NARS2: variants seen among roughly 807,000 people sequenced by gnomAD.
The protein encoded by NARS2 is asparaginyl-tRNA synthetase 2, mitochondrial, also known as asparaginyl-tRNA synthetase.
Under a neutral mutation model 62.9 loss-of-function variants are expected in NARS2, and 60 were observed. The ratio of observed to expected loss-of-function variants is 0.95; its 90% confidence interval spans 0.77 to 1.18. NARS2 has a LOEUF of 1.18. Ranked by LOEUF, NARS2 falls within the 50% of genes most tolerant of loss-of-function variation. NARS2 has a pLI of 0.00. For missense variants in NARS2, 619 were observed against 576.4 expected (o/e 1.07, Z -0.76); for synonymous variants, 196 against 200.0 (o/e 0.98, Z 0.17).
chr11:78,559,301 C>CAAAAAA lies in NARS2; in HGVS notation c.594+232_594+237dup, dbSNP rs10627726. ...CTGGCCACAGAGTGAGACTCCATCT[C>CAAAAAA]AAAAAAAAAAAAAAAAAAAAAAAAA... On this transcript the variant is annotated intron_variant, in intron 5 of 13. Transcript: ENST00000281038. Among the ~76,000 whole-genome samples the CAAAAAA allele has an allele frequency of 3.6e-4, 21 of 58,422 alleles. 2 individuals are homozygous for CAAAAAA. The highest frequency in any genetic ancestry group is 4.8e-4 in the African/African-American group (6 of 12,396). 38.3% of individuals were successfully genotyped at this position (58,422 alleles called of 152,430 possible). A position where few individuals can be genotyped will look rare whatever the true frequency, so the allele number is the denominator to read the frequency against.
intron 7 of NARS2, among the ~76,000 whole-genome samples, chr11:78,484,674 C>T (rs1451621177): frequency 6.6e-6 from 1 of 152,116 alleles, no homozygotes; most frequent in Non-Finnish European, 1.5e-5. Flanking sequence ...CAAATAAAAA[C>T]CACAATGAGA....
At chr11:78,555,730 T>C (rs1021265201) in intron 5 of NARS2, among the ~76,000 whole-genome samples, 8 of 152,122 alleles carry the variant, frequency 5.3e-5, no homozygotes, top group Non-Finnish European at 7.4e-5. Flanking sequence ...AGCTTTGGGG[T>C]TGATCTGTTC....
intron 3 of NARS2, among the ~76,000 whole-genome samples, 159 bp from the exon 4 acceptor site, chr11:78,566,431 C>T (rs189425748): frequency 6.6e-5 from 10 of 152,236 alleles, no homozygotes; most frequent in Admixed American, 5.2e-4. Context: ...TTATTTCCAC[C>T]AGGTAAGTGG....
Position 78,502,991 on chromosome 11 carries a change from C to CAAAAAAAAAAA in NARS2, c.690-9807_690-9797dup, listed in dbSNP as rs550751384. Among the ~76,000 whole-genome samples the CAAAAAAAAAAA allele has an allele frequency of 4.4e-3, 362 of 82,876 alleles. 31 individuals carry two copies. Among genetic ancestry groups the CAAAAAAAAAAA allele is most frequent in the African/African-American group, 0.021 (338 of 15,740 alleles). The allele number at this position is 82,876 out of a possible 152,430, so 54.4% of individuals were successfully genotyped here. ...CCTGGGTAACAGAGTGAGACTGTCTCAAAAAAAAAAAAAAAAAAAGGTTGA... is the reference window on the plus strand; with the variant it reads ...CCTGGGTAACAGAGTGAGACTGTCTCAAAAAAAAAAAAAAAAAAAAAAAAAAAAAAGGTTGA... On this transcript the variant is annotated intron_variant, in intron 6 of 13. Transcript: ENST00000281038.
chr11:78,518,147 A>T (rs1860981613), intron 6 of NARS2, among the ~76,000 whole-genome samples: 1 of 152,264 alleles, frequency 6.6e-6, no homozygotes, highest in Admixed American at 6.5e-5. Flanking sequence ...TACAAATTTT[A>T]AAAATACAGT....
intron 6 of NARS2, among the ~76,000 whole-genome samples, chr11:78,510,890 G>A (rs1860697463): frequency 6.6e-6 from 1 of 152,160 alleles, no homozygotes; most frequent in Admixed American, 6.6e-5. Flanking sequence ...CTGAGTGAAA[G>A]AAGACAGCTA....
intron 13 of NARS2, among the ~76,000 whole-genome samples, chr11:78,439,554 ACT>A (rs1857512475): frequency 6.6e-6 from 1 of 152,098 alleles, no homozygotes; most frequent in South Asian, 2.1e-4. Context: ...CCGCACAATA[ACT>A]CTGTGAAGGA....
chr11:78,466,407 A>G (rs1858625257), intron 10 of NARS2, among the ~76,000 whole-genome samples: 1 of 152,142 alleles, frequency 6.6e-6, no homozygotes, highest in African/African-American at 2.4e-5. Context: ...ATTGTTCCTA[A>G]GTCTCAGGAA....
chr11:78,510,565 AAG>A (rs762892743), intron 6 of NARS2, among the ~76,000 whole-genome samples: 1 of 152,254 alleles, frequency 6.6e-6, no homozygotes, highest in East Asian at 1.9e-4. Flanking sequence ...GATAACTAAA[AAG>A]AGAGAGAGAG....
chr11:78,564,530 T>G (rs2088658437), intron 4 of NARS2, among the ~76,000 whole-genome samples: 1 of 152,228 alleles, frequency 6.6e-6, no homozygotes, highest in Non-Finnish European at 1.5e-5. Context: ...TAGCTTGTCT[T>G]ACTTTTTAAT....
At chr11:78,500,540 C>T (rs573616894) in intron 6 of NARS2, among the ~76,000 whole-genome samples, 4 of 152,020 alleles carry the variant, frequency 2.6e-5, no homozygotes, top group Non-Finnish European at 5.9e-5. Context: ...GTGGCACAAA[C>T]ACAGCTCACT....
intron 6 of NARS2, 68 bp downstream of exon 6, chr11:78,528,774 A>T: frequency 1.0e-6 from 1 of 993,324 alleles, no homozygotes; most frequent in South Asian, 1.4e-5. Flanking sequence ...AGGTTTGAGC[A>T]TGGGAAGGGA....
At chr11:78,469,770 G>GAA (rs1298205003) in intron 9 of NARS2, among the ~76,000 whole-genome samples, 1 of 147,908 alleles carries the variant, frequency 6.8e-6, no homozygotes, top group African/African-American at 2.4e-5. Context: ...GTGTCAGAGA[G>GAA]AGAGAGAGCG....
chr11:78,453,847 T>C (rs1372461962), intron 11 of NARS2, among the ~76,000 whole-genome samples: 1 of 152,212 alleles, frequency 6.6e-6, no homozygotes. Flanking sequence ...CAACAATGAC[T>C]GAAAATGGAC....
chr11:78,458,468 A>C (rs975798491), intron 11 of NARS2, among the ~76,000 whole-genome samples: 1 of 149,150 alleles, frequency 6.7e-6, no homozygotes, highest in Non-Finnish European at 1.5e-5. Context: ...ATGTAAAATC[A>C]CATAGTTTAT....
chr11:78,459,825 C>T (rs1381972943), intron 11 of NARS2, among the ~76,000 whole-genome samples: 1 of 152,160 alleles, frequency 6.6e-6, no homozygotes, highest in Non-Finnish European at 1.5e-5. Flanking sequence ...TAGTCATGCA[C>T]ATAGATGTAA....
chr11:78,487,599 C>G (rs1196671204), intron 7 of NARS2, among the ~76,000 whole-genome samples: 2 of 152,004 alleles, frequency 1.3e-5, no homozygotes, highest in Admixed American at 1.3e-4. Context: ...ATTCAAGGAG[C>G]TCACTAAATC....
At chr11:78,564,013 C>T (rs1856657765) in intron 4 of NARS2, among the ~76,000 whole-genome samples, 1 of 144,956 alleles carries the variant, frequency 6.9e-6, no homozygotes, top group African/African-American at 2.6e-5. Flanking sequence ...GCAATTCTAC[C>T]TCAGCCTCCC....
At chr11:78,505,701 G>A (rs953776060) in intron 6 of NARS2, among the ~76,000 whole-genome samples, 33 of 152,126 alleles carry the variant, frequency 2.2e-4, no homozygotes, top group African/African-American at 8.0e-4. Context: ...ATCAGGTATG[G>A]CCTGTACCTT....
Sources: gnomAD v4.1 joint callset for allele counts (sites outside exome capture counted in the v4.1 genomes callset) on GRCh38, gnomAD v4.1.1 for gene constraint, MANE v1.5 for transcripts, NCBI Gene and HGNC (gene_info 2026-07-23, HGNC 2026-07-21) for gene names.